The following FAM184A variants were observed in gnomAD, a reference collection of about 807,000 sequenced individuals.
The protein encoded by FAM184A is family with sequence similarity 184 member A, also known as protein FAM184A.
A neutral mutation model predicts 143.8 loss-of-function variants in FAM184A; 99 were observed. That is an observed-to-expected ratio of 0.69 (90% CI 0.58 to 0.81). The LOEUF is 0.81. Among genes scored for constraint, FAM184A ranks in the 40% least tolerant of loss-of-function variants. FAM184A has a pLI of 0.00. For missense variants in FAM184A, 1,217 were observed against 1,310.5 expected (o/e 0.93, Z 1.10); for synonymous variants, 427 against 446.4 (o/e 0.96, Z 0.55).
At chr6:119,054,293 G>A (rs1786878048) in intron 1 of FAM184A, among the ~76,000 whole-genome samples, 1 of 152,144 alleles carries the variant, frequency 6.6e-6, no homozygotes. Flanking sequence ...TAGTCTGTTT[G>A]GGCTGCTATA....
intron 1 of FAM184A, among the ~76,000 whole-genome samples, chr6:119,094,765 T>TAAAA (rs36001723): frequency 4.8e-5 from 7 of 145,790 alleles, no homozygotes; most frequent in African/African-American, 1.5e-4. Context: ...GATGGAAAAG[T>TAAAA]AAAAAAAAAA....
rs117937612 is a variant in FAM184A at position 119,036,874 on chromosome 6, A to G, written c.160-12061T>C. Among the ~76,000 whole-genome samples the G allele has an allele frequency of 5.9e-3, 895 of 152,352 alleles. 4 individuals are homozygous for G. Among genetic ancestry groups the G allele is most frequent in the South Asian group, 0.013 (63 of 4,832 alleles). On this transcript the variant is annotated intron_variant, in intron 1 of 17. Transcript: ENST00000338891. Reference sequence around the variant, plus strand: ...ATAGTACAGAATACTGTGACATGGCATAATAAGTTTTCAGTAGAAAGAACT... The same window carrying G: ...ATAGTACAGAATACTGTGACATGGCGTAATAAGTTTTCAGTAGAAAGAACT...
intron 1 of FAM184A, among the ~76,000 whole-genome samples, chr6:119,124,608 T>C (rs954167479): frequency 5.3e-5 from 8 of 152,276 alleles, no homozygotes; most frequent in South Asian, 2.1e-4. Flanking sequence ...TTACAAAGGG[T>C]TCATCTAAAT....
chr6:119,000,693 T>A lies in FAM184A; in HGVS notation c.2088+2206A>T, dbSNP rs770402187. Among the ~76,000 whole-genome samples, 7 of 152,240 alleles carry A rather than the reference T, an allele frequency of 4.6e-5. No individual in the cohort carries two copies. The South Asian group carries it at 1.2e-3, about 27-fold the overall frequency. On this transcript the variant is annotated intron_variant, in intron 9 of 17. Coordinates refer to ENST00000338891, the MANE Select transcript of FAM184A (RefSeq NM_024581.6). ...GGTATAAAAATCTCATGTTTTTCAC[T>A]CAGAAATAGTTAAAATATGTGAAAA...
chr6:119,030,706 A>G (rs1266987036), intron 1 of FAM184A, among the ~76,000 whole-genome samples: 1 of 151,966 alleles, frequency 6.6e-6, no homozygotes, highest in African/African-American at 2.4e-5. Flanking sequence ...GGGTGAGACT[A>G]ATTTTAAAAG....
chr6:119,034,569 T>G (rs1007474347), intron 1 of FAM184A, among the ~76,000 whole-genome samples: 3 of 79,290 alleles, frequency 3.8e-5, no homozygotes, highest in African/African-American at 9.0e-5. Flanking sequence ...ATATATAGTT[T>G]TTTTTTTTTT....
At position 119,002,892 on chromosome 6, in the gene FAM184A, T is replaced by A. The variant is rs1180094421; in HGVS notation, c.2088+7A>T. 6.2e-7 allele frequency: 1 copy of A among 1,604,140 alleles called. No homozygotes were observed. The highest frequency in any genetic ancestry group is 8.5e-7 in the Non-Finnish European group (1 of 1,176,688). Reference sequence around the variant, plus strand: ...TGAAACTTCATCATGTACACATTATTAATTACCTGGTTTAAGAGATCTTCT... The same window carrying A: ...TGAAACTTCATCATGTACACATTATAAATTACCTGGTTTAAGAGATCTTCT... On this transcript the variant is annotated splice_region_variant and intron_variant, in intron 9 of 17. Coordinates refer to ENST00000338891, the MANE Select transcript of FAM184A (RefSeq NM_024581.6).
chr6:119,123,142 C>T (rs536919898), intron 1 of FAM184A, among the ~76,000 whole-genome samples: 27 of 151,546 alleles, frequency 1.8e-4, no homozygotes, highest in Non-Finnish European at 3.2e-4. Context: ...AATCCCAGCA[C>T]TTTGGGAAGT....
At chr6:119,113,042 GTC>G (rs146555526) in intron 1 of FAM184A, among the ~76,000 whole-genome samples, 4,863 of 152,206 alleles carry the variant, frequency 0.032, 445 homozygotes, top group Admixed American at 0.19. Context: ...TTGGCTGCCA[GTC>G]CCCTTGCTGT....
At chr6:118,989,068 TCTC>T (rs1194978113) in intron 9 of FAM184A, among the ~76,000 whole-genome samples, 1 of 151,342 alleles carries the variant, frequency 6.6e-6, no homozygotes, top group Non-Finnish European at 1.5e-5. Flanking sequence ...TTCAAGTCAT[TCTC>T]CTGCCTCAGC....
At chr6:118,988,794 C>G (rs1226575278) in intron 9 of FAM184A, among the ~76,000 whole-genome samples, 4 of 152,018 alleles carry the variant, frequency 2.6e-5, no homozygotes, top group African/African-American at 9.7e-5. Flanking sequence ...TTGGAAAAAC[C>G]TACATACCCC....
At chr6:118,983,274 GAGCAAAGTAA>G (rs1448191817) in intron 9 of FAM184A, among the ~76,000 whole-genome samples, 8 of 152,104 alleles carry the variant, frequency 5.3e-5, no homozygotes, top group African/African-American at 1.9e-4. Flanking sequence ...AAAAGACAAT[GAGCAAAGTAA>G]TGTAAAGTGA....
chr6:118,986,786 G>A (rs1317558141), intron 9 of FAM184A, among the ~76,000 whole-genome samples: 1 of 152,088 alleles, frequency 6.6e-6, no homozygotes, highest in African/African-American at 2.4e-5. Flanking sequence ...TCCTATTTGG[G>A]TTCTTATTTC....
At chr6:119,140,298 T>A (rs811579) in intron 1 of FAM184A, among the ~76,000 whole-genome samples, 5,708 of 152,156 alleles carry the variant, frequency 0.038, 355 homozygotes, top group African/African-American at 0.13. Flanking sequence ...TGGCCACGTG[T>A]CTTTATTGTT....
intron 1 of FAM184A, among the ~76,000 whole-genome samples, chr6:119,039,950 C>T (rs1786258431): frequency 6.6e-6 from 1 of 152,200 alleles, no homozygotes; most frequent in South Asian, 2.1e-4. Flanking sequence ...GTGTATAACT[C>T]CCTAAACACA....
chr6:119,065,357 G>A (rs571649013), intron 1 of FAM184A, among the ~76,000 whole-genome samples: 4 of 152,032 alleles, frequency 2.6e-5, no homozygotes, highest in South Asian at 4.2e-4. Flanking sequence ...AGAGACTATC[G>A]CCCTGGCCAG....
chr6:119,139,932 T>C (rs1772161010), intron 1 of FAM184A, among the ~76,000 whole-genome samples: 1 of 152,224 alleles, frequency 6.6e-6, no homozygotes, highest in Non-Finnish European at 1.5e-5. Flanking sequence ...TGTGAGTGAA[T>C]TCTGCAGCTG....
intron 1 of FAM184A, among the ~76,000 whole-genome samples, chr6:119,138,577 C>T (rs900803979): frequency 1.3e-5 from 2 of 151,794 alleles, no homozygotes; most frequent in African/African-American, 2.4e-5. Context: ...ACACTCTCTC[C>T]TTCCTCGCTC....
At chr6:119,127,691 TG>T (rs1459248830) in intron 1 of FAM184A, among the ~76,000 whole-genome samples, 2 of 152,160 alleles carry the variant, frequency 1.3e-5, no homozygotes, top group African/African-American at 4.8e-5. Flanking sequence ...TAAAGTCAGC[TG>T]GGGAGCTTTT....
Sources: gnomAD v4.1 joint callset for allele counts (sites outside exome capture counted in the v4.1 genomes callset) on GRCh38, gnomAD v4.1.1 for gene constraint, MANE v1.5 for transcripts, NCBI Gene and HGNC (gene_info 2026-07-23, HGNC 2026-07-21) for gene names.